ATG16L1: variants seen among roughly 807,000 people sequenced by gnomAD.
ATG16L1 encodes the protein autophagy-related protein 16-1.
Under a neutral mutation model 88.5 loss-of-function variants are expected in ATG16L1, and 37 were observed. The ratio of observed to expected loss-of-function variants is 0.42; its 90% CI spans 0.32 to 0.55. The LOEUF is 0.55. Among genes scored for constraint, ATG16L1 ranks in the 20% least tolerant of loss-of-function variants. The pLI is 0.13. For synonymous variants in ATG16L1, 301 were observed against 281.0 expected (o/e 1.07, Z -0.71); for missense variants, 554 against 752.8 (o/e 0.74, Z 3.09).
intron 6 of ATG16L1, among the ~76,000 whole-genome samples, chr2:233,271,192 C>T (rs962042811): frequency 1.3e-5 from 2 of 152,216 alleles, no homozygotes; most frequent in Non-Finnish European, 2.9e-5. Flanking sequence ...ATAATTTAGA[C>T]AGGTTGAGCA....
chr2:233,285,901 T>C (rs1162735293), intron 12 of ATG16L1, among the ~76,000 whole-genome samples: 1 of 152,180 alleles, frequency 6.6e-6, no homozygotes, highest in East Asian at 1.9e-4. Context: ...AGTGCTTGCT[T>C]TAACATCCTT....
chr2:233,282,814 C>G (rs1210373443), intron 12 of ATG16L1, 61 bp downstream of exon 12: 1 of 1,489,374 alleles, frequency 6.7e-7, no homozygotes, highest in African/African-American at 1.4e-5. Context: ...TATCAAGGCA[C>G]AAACTGGCAG....
intron 1 of ATG16L1, among the ~76,000 whole-genome samples, chr2:233,252,214 C>T (rs1427649705): frequency 3.3e-5 from 5 of 152,248 alleles, no homozygotes; most frequent in African/African-American, 9.6e-5. Flanking sequence ...TCATACAATG[C>T]TTATGCACTT....
At position 233,272,996 on chromosome 2, in the gene ATG16L1, A is replaced by G; in HGVS notation, c.738A>G (p.Glu246=). 6.2e-7 allele frequency: 1 copy of G among 1,614,092 alleles called. No homozygotes were observed. The highest frequency in any genetic ancestry group is 1.3e-5 in the African/African-American group (1 of 75,040). Residue 246 remains glutamate, a synonymous_variant, in exon 7 of 18, where the codon GAA becomes GAG. Coordinates refer to ENST00000392017, the MANE Select transcript of ATG16L1 (RefSeq NM_030803.7). The stretch of plus-strand genomic sequence containing the variant: ...ATGACATTGAGGTCATTGTGGATGA[A>G]ACTTCTGATCACACAGAAGAGACCT... ...QDDDIEVIVD[E]TSDHTEETSP... is the part of the protein sequence containing the mutation.
At chr2:233,266,166 T>G (rs894006780) in intron 5 of ATG16L1, 9 of 151,738 alleles carry the variant, frequency 5.9e-5, no homozygotes, top group African/African-American at 2.2e-4. Context: ...CCAGGTGCAG[T>G]AAGTAGCTCA....
At chr2:233,258,134 G>T (rs1289752079) in intron 2 of ATG16L1, among the ~76,000 whole-genome samples, 3 of 151,972 alleles carry the variant, frequency 2.0e-5, no homozygotes, top group African/African-American at 7.3e-5. Flanking sequence ...TGGGTCACTG[G>T]TGTGCATTTA....
intron 10 of ATG16L1, among the ~76,000 whole-genome samples, chr2:233,280,682 A>C (rs1698664293): frequency 6.6e-6 from 1 of 152,242 alleles, no homozygotes; most frequent in South Asian, 2.1e-4. Context: ...TTTCTACAAA[A>C]GTGGTAGTTA....
At chr2:233,282,561 T>C in intron 11 of ATG16L1, 121 bp from the exon 12 acceptor site, 1 of 833,166 alleles carries the variant, frequency 1.2e-6, no homozygotes, top group South Asian at 1.5e-5. Context: ...GTATTCAGGC[T>C]GGTTGTATAG....
At chr2:233,257,714 A>G (rs902306865) in intron 2 of ATG16L1, among the ~76,000 whole-genome samples, 1 of 152,200 alleles carries the variant, frequency 6.6e-6, no homozygotes, top group Non-Finnish European at 1.5e-5. Flanking sequence ...GATTAGAAAA[A>G]TATCAGTGTG....
intron 1 of ATG16L1, among the ~76,000 whole-genome samples, chr2:233,252,153 G>A (rs1052857444): frequency 1.3e-5 from 2 of 152,222 alleles, no homozygotes; most frequent in African/African-American, 2.4e-5. Flanking sequence ...TAAATTGTAC[G>A]ATCTTTGTGG....
chr2:233,292,853 G>A (rs1699557313), intron 16 of ATG16L1, among the ~76,000 whole-genome samples: 1 of 152,172 alleles, frequency 6.6e-6, no homozygotes, highest in Non-Finnish European at 1.5e-5. Context: ...CATGTATCCT[G>A]CTTCTTCCAA....
chr2:233,289,322 A>G (rs958127640), intron 12 of ATG16L1, among the ~76,000 whole-genome samples: 1 of 151,574 alleles, frequency 6.6e-6, no homozygotes, highest in Non-Finnish European at 1.5e-5. Context: ...TATGAGATAC[A>G]TGGCCCCTGG....
Position 233,270,066 on chromosome 2 carries a change from C to A in ATG16L1, c.706C>A (p.Gln236Lys). The A allele has an allele frequency of 6.3e-7, 1 of 1,579,708 alleles. No individual in the cohort carries two copies. Among genetic ancestry groups the A allele is most frequent in the Non-Finnish European group, 8.6e-7 (1 of 1,167,462 alleles). ...AGCAAAGGAACCTCTACCAGTCGAA[C>A]AGTAAGTAAAGATAAATGAATCAAA... Reference protein sequence around the residue: ...EAAKEPLPVEQDDDIEVIVDE... With the variant: ...EAAKEPLPVEKDDDIEVIVDE... The change falls in exon 6 of 18, where the codon CAG becomes AAG. Residue 236 changes from glutamine (Q) to lysine (K), a missense_variant and splice_region_variant. Gln to Lys is a moderately conservative substitution (Grantham distance 53, BLOSUM62 1). Transcript: ENST00000392017.
chr2:233,267,862 A>AGG (rs1385272298), intron 5 of ATG16L1, among the ~76,000 whole-genome samples: 1 of 152,206 alleles, frequency 6.6e-6, no homozygotes, highest in Non-Finnish European at 1.5e-5. Flanking sequence ...CTCATTCCCT[A>AGG]GCCCACCCTT....
chr2:233,283,190 T>C (rs1698831923), intron 12 of ATG16L1, among the ~76,000 whole-genome samples: 1 of 152,166 alleles, frequency 6.6e-6, no homozygotes, highest in African/African-American at 2.4e-5. Flanking sequence ...AGGGGACAGG[T>C]GTCAGAGCAG....
At chr2:233,270,520 T>C (rs539763435) in intron 6 of ATG16L1, among the ~76,000 whole-genome samples, 1 of 152,366 alleles carries the variant, frequency 6.6e-6, no homozygotes, top group South Asian at 2.1e-4. Context: ...GAATTCTAAC[T>C]TCCTGCACTC....
rs1451914458 is a variant in ATG16L1 at position 233,294,558 on chromosome 2, A to G, written c.*208A>G. 3 of 433,464 alleles carry G rather than the reference A, an allele frequency of 6.9e-6. No homozygotes were observed. Among genetic ancestry groups the G allele is most frequent in the Non-Finnish European group, 8.3e-6 (2 of 241,210 alleles). 26.9% of individuals were successfully genotyped at this position (433,464 alleles called of 1,614,324 possible). A position where few individuals can be genotyped will look rare whatever the true frequency, so the allele number is the denominator to read the frequency against. Reference sequence around the variant, plus strand: ...TGGCCTGGAAGAATAACACTGAAAAAACCTGACGCTGCGGTCACTTAGCAG... The same window carrying G: ...TGGCCTGGAAGAATAACACTGAAAAGACCTGACGCTGCGGTCACTTAGCAG... On this transcript the variant is annotated 3_prime_UTR_variant, in exon 18 of 18. Transcript: ENST00000392017.
intron 14 of ATG16L1, among the ~76,000 whole-genome samples, chr2:233,291,049 A>G (rs1699431143): frequency 6.6e-6 from 1 of 152,178 alleles, no homozygotes; most frequent in Non-Finnish European, 1.5e-5. Flanking sequence ...CAGTAGAGGA[A>G]CATGTGGAGG....
chr2:233,266,410 A>AG (rs1420851087), intron 5 of ATG16L1, among the ~76,000 whole-genome samples: 1 of 152,174 alleles, frequency 6.6e-6, no homozygotes, highest in Non-Finnish European at 1.5e-5. Flanking sequence ...AGTGAGCCAA[A>AG]GTTGTGCCAC....
Sources: allele counts gnomAD v4.1 joint callset (sites outside exome capture counted in the v4.1 genomes callset), GRCh38; gene constraint gnomAD v4.1.1; transcripts MANE v1.5; gene names NCBI Gene and HGNC (gene_info 2026-07-23, HGNC 2026-07-21).